METTL14: variants seen among roughly 807,000 people sequenced by gnomAD.
METTL14 encodes methyltransferase 14, N6-adenosine-methyltransferase non-catalytic subunit, also known as N(6)-adenosine-methyltransferase non-catalytic subunit METTL14.
Under a neutral mutation model 62.4 loss-of-function variants are expected in METTL14, and 32 were observed. That is an observed-to-expected ratio of 0.51 (90% CI 0.39 to 0.69). METTL14 has a LOEUF of 0.69. Among genes scored for constraint, METTL14 ranks in the 30% least tolerant of loss-of-function variants. The pLI is 0.00. For missense variants in METTL14, 340 were observed against 551.9 expected (o/e 0.62, Z 3.85); for synonymous variants, 150 against 180.0 (o/e 0.83, Z 1.34).
At chr4:118,685,674 C>A in intron 1 of METTL14, 74 bp downstream of exon 1, 2 of 1,318,254 alleles carry the variant, frequency 1.5e-6, no homozygotes, top group East Asian at 2.5e-5. Flanking sequence ...CTCCACACCC[C>A]GCCTTTTTCT....
rs70941201 is a variant in METTL14 at position 118,696,117 on chromosome 4, CAAAAAAAAAA to C, written c.504-1046_504-1037del. On this transcript the variant is annotated intron_variant, in intron 6 of 10. Transcript: ENST00000388822. Reference sequence around the variant, plus strand: ...CTGGCAACAGAGTGAGACTCTGTCTCAAAAAAAAAAAAAAAAAAAAAAAAAAAATTGTATT... The same window carrying C: ...CTGGCAACAGAGTGAGACTCTGTCTCAAAAAAAAAAAAAAAAAATTGTATT... Among the ~76,000 whole-genome samples the C allele has an allele frequency of 4.4e-4, 15 of 33,908 alleles. 1 individual carries two copies. The highest frequency in any genetic ancestry group is 2.5e-3 in the East Asian group (3 of 1,200). The allele number at this position is 33,908 out of a possible 152,430, so 22.2% of individuals were successfully genotyped here.
At position 118,705,623 on chromosome 4, in the gene METTL14, A is replaced by T. The variant is rs1724734420; in HGVS notation, c.868A>T (p.Met290Leu). ...VFQRTKEHCL[M>L]GIKGTVKRST... ...TCTTGTTATTTAGGAACACTGCCTCATGGGGATCAAAGGAACTGTGAAGCG... is the reference window on the plus strand; with the variant it reads ...TCTTGTTATTTAGGAACACTGCCTCTTGGGGATCAAAGGAACTGTGAAGCG... The change falls in exon 10 of 11, where the codon ATG becomes TTG. Residue 290 changes from methionine to leucine, a missense_variant. Physicochemically the swap from Met to Leu is conservative, Grantham distance 15. Transcript: ENST00000388822. 6.2e-7 allele frequency: 1 copy of T among 1,613,974 alleles called. No homozygotes were observed. The highest frequency in any genetic ancestry group is 1.7e-5 in the Admixed American group (1 of 59,998).
At chr4:118,700,082 A>G (rs1344907457) in intron 7 of METTL14, among the ~76,000 whole-genome samples, 1 of 151,932 alleles carries the variant, frequency 6.6e-6, no homozygotes, top group African/African-American at 2.4e-5. Context: ...GTAGCAAAAT[A>G]TGTATATTGA....
At chr4:118,695,008 T>C (rs372040277) in intron 6 of METTL14, among the ~76,000 whole-genome samples, 1 of 134,102 alleles carries the variant, frequency 7.5e-6, no homozygotes, top group Non-Finnish European at 1.8e-5. Flanking sequence ...ATTTTTGTAT[T>C]TTTAGTAGAG....
chr4:118,704,955 G>T (rs1724710322), intron 9 of METTL14, among the ~76,000 whole-genome samples: 1 of 152,160 alleles, frequency 6.6e-6, no homozygotes, highest in East Asian at 1.9e-4. Context: ...GACCTGTGGG[G>T]TCTGCACTAA....
At chr4:118,701,955 A>AT (rs1011805557) in intron 8 of METTL14, among the ~76,000 whole-genome samples, 1 of 152,000 alleles carries the variant, frequency 6.6e-6, no homozygotes, top group South Asian at 2.1e-4. Flanking sequence ...GGATATCTCC[A>AT]TTTTTTTGGT....
In METTL14 at chr4:118,705,808, T is replaced by C. The variant is rs1407759491; in HGVS notation, c.1053T>C (p.Ser351=). 1 of 1,613,162 alleles carries C rather than the reference T, an allele frequency of 6.2e-7. No homozygotes were observed. The highest frequency in any genetic ancestry group is 1.3e-5 in the African/African-American group (1 of 74,868). ...RRRLHLFGRD[S]TIRPGWLTVG... is the part of the protein sequence containing the mutation. ...GCCTTCATCTATTTGGAAGAGATAG[T>C]ACAATTCGACCAGGTAGGACCTCAG... The change falls in exon 10 of 11, where the codon AGT becomes AGC. Residue 351 remains serine (S), a synonymous_variant. Transcript: ENST00000388822.
chr4:118,694,861 G>A (rs192988520), intron 6 of METTL14, among the ~76,000 whole-genome samples: 1 of 152,018 alleles, frequency 6.6e-6, no homozygotes, highest in East Asian at 1.9e-4. Context: ...GAGTGTAGTG[G>A]CGCAATCTTG....
rs189273739 is a variant in METTL14, at chr4:118,697,083, C to G, written c.504-99C>G. ...GTTTAGTAATAATGTTTAGTGATAT[C>G]TAAGACATTTCTTTCATTACCATCT... On this transcript the variant is annotated intron_variant, in intron 6 of 10. Coordinates refer to ENST00000388822, the MANE Select transcript of METTL14 (RefSeq NM_020961.4). The G allele has an allele frequency of 6.0e-5, 53 of 880,296 alleles. No individual in the cohort carries two copies. In the East Asian group the frequency reaches 9.8e-4, roughly 16 times the overall value. The allele number at this position is 880,296 out of a possible 1,614,324, so 54.5% of individuals were successfully genotyped here.
intron 6 of METTL14, among the ~76,000 whole-genome samples, chr4:118,695,523 T>C (rs1724382398): frequency 6.6e-6 from 1 of 152,130 alleles, no homozygotes; most frequent in Admixed American, 6.5e-5. Flanking sequence ...CACTTTAGCC[T>C]GGGTGACGGA....
intron 7 of METTL14, among the ~76,000 whole-genome samples, chr4:118,697,984 G>A (rs1034434061): frequency 1.3e-5 from 2 of 152,112 alleles, no homozygotes; most frequent in South Asian, 2.1e-4. Flanking sequence ...TGGTTGTGGG[G>A]TGGAGGTCCT....
intron 4 of METTL14, 87 bp downstream of exon 4, chr4:118,691,699 A>G: frequency 1.5e-6 from 1 of 657,816 alleles, no homozygotes. Flanking sequence ...TGTCTTCAAG[A>G]TGTTTTTTAA....
rs373983208 is a variant in METTL14, at chr4:118,707,643, G to A, written c.1066+1822G>A. On this transcript the variant is annotated intron_variant, in intron 10 of 10. Coordinates refer to ENST00000388822, the MANE Select transcript of METTL14 (RefSeq NM_020961.4). Reference sequence around the variant, plus strand: ...TGTGCCACTGTACTCCAGCCAGGGTGACAGAATAAGACCCTGTCTCAAAAA... The same window carrying A: ...TGTGCCACTGTACTCCAGCCAGGGTAACAGAATAAGACCCTGTCTCAAAAA... Among the ~76,000 whole-genome samples, 267 of 125,052 alleles carry A rather than the reference G, an allele frequency of 2.1e-3. 1 individual carries two copies. Among genetic ancestry groups the A allele is most frequent in the African/African-American group, 7.9e-3 (257 of 32,386 alleles). The allele number at this position is 125,052 out of a possible 152,430, so 82.0% of individuals were successfully genotyped here. A position where few individuals can be genotyped will look rare whatever the true frequency, so the allele number is the denominator to read the frequency against.
intron 1 of METTL14, chr4:118,686,804 A>G (rs1283103002): frequency 2.8e-6 from 1 of 354,950 alleles, no homozygotes; most frequent in Non-Finnish European, 5.6e-6. Context: ...TTATTTGTTT[A>G]GTGTTTTACA....
chr4:118,686,027 T>C (rs765269461), intron 1 of METTL14, among the ~76,000 whole-genome samples: 2 of 152,256 alleles, frequency 1.3e-5, no homozygotes, highest in Non-Finnish European at 2.9e-5. Context: ...CTTTGACATC[T>C]TTCTGAAGAC....
chr4:118,686,473 AGTTATTTTTCAGTAAT>A (rs755215417), intron 1 of METTL14: 17 of 411,040 alleles, frequency 4.1e-5, no homozygotes, highest in Non-Finnish European at 7.3e-5. Flanking sequence ...GTCATCTTGC[AGTTATTTTTCAGTAAT>A]GAAACTTGGT....
intron 5 of METTL14, among the ~76,000 whole-genome samples, chr4:118,692,654 C>G (rs1724285535): frequency 6.6e-6 from 1 of 152,028 alleles, no homozygotes; most frequent in Non-Finnish European, 1.5e-5. Context: ...CCTATTCTTG[C>G]ATTTTAGACA....
chr4:118,704,055 T>G lies in METTL14; in HGVS notation c.855+4T>G, dbSNP rs967117087. The G allele has an allele frequency of 6.7e-7, 1 of 1,499,132 alleles. No homozygotes were observed. Among genetic ancestry groups the G allele is most frequent in the Non-Finnish European group, 9.1e-7 (1 of 1,097,036 alleles). 92.9% of individuals were successfully genotyped at this position (1,499,132 alleles called of 1,614,324 possible). A position where few individuals can be genotyped will look rare whatever the true frequency, so the allele number is the denominator to read the frequency against. On this transcript the variant is annotated splice_donor_region_variant and intron_variant, in intron 9 of 10. Transcript: ENST00000388822. ...GGCTGTCTTTCAGAGAACAAAGGTA[T>G]TGCCTTTACTGATTTGTTTTTTTTA... is the stretch of plus-strand genomic sequence containing the variant.
Position 118,714,205 on chromosome 4 carries a change from A to G in METTL14, c.*3903A>G, listed in dbSNP as rs1260979357. 1.3e-5 allele frequency: 2 copies of G among 152,250 alleles called. No homozygotes were observed. Among genetic ancestry groups the G allele is most frequent in the Non-Finnish European group, 2.9e-5 (2 of 68,050 alleles). 9.4% of individuals were successfully genotyped at this position (152,250 alleles called of 1,614,324 possible). A position where few individuals can be genotyped will look rare whatever the true frequency, so the allele number is the denominator to read the frequency against. ...GGCACATTGTTTGCATATTAACGAC[A>G]TGGAAATATTTTCACTCATTTACTT... On this transcript the variant is annotated 3_prime_UTR_variant, in exon 11 of 11. Coordinates refer to ENST00000388822, the MANE Select transcript of METTL14 (RefSeq NM_020961.4).
Sources: gnomAD v4.1 joint callset for allele counts (sites outside exome capture counted in the v4.1 genomes callset) on GRCh38, gnomAD v4.1.1 for gene constraint, MANE v1.5 for transcripts, NCBI Gene and HGNC (gene_info 2026-07-23, HGNC 2026-07-21) for gene names.